Variants in POLA1 observed in about 807,000 individuals in gnomAD.
The protein encoded by POLA1 is DNA polymerase alpha 1, catalytic subunit, also known as DNA polymerase alpha catalytic subunit.
In POLA1, 15 loss-of-function variants were observed where a neutral mutation model predicts 124.0. The observed-to-expected ratio is 0.12, with a 90% CI of 0.08 to 0.19. The LOEUF (loss-of-function observed/expected upper bound fraction) is 0.19, where lower values mean the gene tolerates loss of function less well. Among genes scored for constraint, POLA1 ranks in the 10% least tolerant of loss-of-function variants. The pLI, the probability that POLA1 is intolerant of heterozygous loss-of-function variation, is 1.00. For synonymous variants in POLA1, 408 were observed against 389.4 expected, an observed-to-expected ratio of 1.05 and a Z score of -0.56; for missense variants, 886 against 1,103.4, an observed-to-expected ratio of 0.80 and a Z score of 2.79.
At chrX:24,708,368 A>G (rs942228622) in intron 4 of POLA1, among the ~76,000 whole-genome samples, 1 of 90,874 alleles carries the variant, frequency 1.1e-5, no homozygotes, top group Admixed American at 1.3e-4. Context: ...GGCTCATGAA[A>G]ATACTTTTTT....
chrX:24,809,993 C>A, intron 27 of POLA1, 63 bp downstream of exon 27: 2 of 708,537 alleles, frequency 2.8e-6, no homozygotes, highest in Admixed American at 2.9e-5. Flanking sequence ...TTTTTGTATT[C>A]AAGGAAAATT....
At chrX:24,705,972 A>G (rs1928778226) in intron 4 of POLA1, among the ~76,000 whole-genome samples, 1 of 112,123 alleles carries the variant, frequency 8.9e-6, no homozygotes, top group Non-Finnish European at 1.9e-5. Flanking sequence ...TTTGGTTAAG[A>G]TGATATTTGT....
At chrX:24,972,031 C>T (rs1019370682) in intron 36 of POLA1, among the ~76,000 whole-genome samples, 13 of 108,578 alleles carry the variant, frequency 1.2e-4, no homozygotes, top group Admixed American at 7.0e-4. Flanking sequence ...TGCAATGGCA[C>T]GTTCTTGGCT....
intron 31 of POLA1, among the ~76,000 whole-genome samples, 153 bp from the exon 32 acceptor site, chrX:24,826,274 A>G (rs181802461): frequency 1.8e-5 from 2 of 112,536 alleles, no homozygotes; most frequent in East Asian, 2.8e-4. Flanking sequence ...ATGTTCAACA[A>G]TAGGTCAAAA....
At chrX:24,980,638 C>T (rs1008475556) in intron 36 of POLA1, among the ~76,000 whole-genome samples, 4 of 109,402 alleles carry the variant, frequency 3.7e-5, no homozygotes, top group Non-Finnish European at 7.6e-5. Flanking sequence ...TAAAACATCA[C>T]TGTCATTCTG....
intron 15 of POLA1, among the ~76,000 whole-genome samples, chrX:24,730,588 C>G (rs1930844705): frequency 1.8e-5 from 2 of 111,981 alleles, no homozygotes; most frequent in African/African-American, 6.5e-5. Flanking sequence ...GGAGTAATGG[C>G]AGATTCAGGG....
chrX:24,710,865 C>T (rs1602260442), intron 4 of POLA1, among the ~76,000 whole-genome samples: 1 of 110,677 alleles, frequency 9.0e-6, no homozygotes, highest in East Asian at 2.8e-4. Flanking sequence ...CGGGTTTCAC[C>T]ATGTTGGTCA....
chrX:24,843,570 T>C lies in POLA1; in HGVS notation c.3940T>C (p.Tyr1314His). ...GGGAACAGATATGGAGCCCAGCTTGTATCGTTGCAGTAACATCGATTGTAA... is the reference window on the plus strand; with the variant it reads ...GGGAACAGATATGGAGCCCAGCTTGCATCGTTGCAGTAACATCGATTGTAA... Reference protein sequence around the residue: ...GSGTDMEPSLYRCSNIDCKAS... With the variant: ...GSGTDMEPSLHRCSNIDCKAS... The change falls in exon 34 of 37, where the codon TAT (tyrosine) becomes CAT (histidine). Residue 1314 changes from tyrosine (Y) to histidine (H), a missense_variant. By Grantham distance (83) the Tyr-to-His change is moderately conservative. Around this residue, in one of 7 missense-constraint regions of POLA1, gnomAD observed 313 missense variants for 359.7 expected, o/e 0.87. Coordinates refer to ENST00000379068, the MANE Select transcript of POLA1 (RefSeq NM_001330360.2). 6 of 1,194,600 alleles carry C rather than the reference T, an allele frequency of 5.0e-6. No homozygotes were observed. The highest frequency in any genetic ancestry group is 6.8e-6 in the Non-Finnish European group (6 of 883,710).
At chrX:24,945,623 G>T (rs1163137146) in intron 36 of POLA1, among the ~76,000 whole-genome samples, 1 of 111,838 alleles carries the variant, frequency 8.9e-6, no homozygotes, top group East Asian at 2.8e-4. Flanking sequence ...TTCTGATTGA[G>T]TAGGTCTGGG....
In POLA1 at chrX:24,912,258, A is replaced by G. The variant is rs190568169; in HGVS notation, c.4165-18195A>G. On this transcript the variant is annotated intron_variant, in intron 35 of 36. Transcript: ENST00000379068. ...GTAGGTGTAAATGTAAAACTATAAA[A>G]CTTTAAAGAAGTAATGCATAAGAGA... Among the ~76,000 whole-genome samples the G allele has an allele frequency of 2.2e-3, 251 of 112,409 alleles. 2 individuals carry two copies. Among genetic ancestry groups the G allele is most frequent in the African/African-American group, 7.9e-3 (245 of 30,990 alleles).
At chrX:24,792,100 A>G (rs2045511606) in intron 26 of POLA1, among the ~76,000 whole-genome samples, 1 of 112,413 alleles carries the variant, frequency 8.9e-6, no homozygotes, top group Middle Eastern at 4.2e-3. Context: ...TTTATTAGAA[A>G]TCAGGAGAAA....
chrX:24,958,362 G>A (rs892052504), intron 36 of POLA1, among the ~76,000 whole-genome samples: 3 of 111,785 alleles, frequency 2.7e-5, no homozygotes, highest in African/African-American at 9.8e-5. Flanking sequence ...CTCACAGCAG[G>A]GTCCTTAGTG....
intron 26 of POLA1, among the ~76,000 whole-genome samples, chrX:24,783,656 C>G (rs909651718): frequency 9.0e-6 from 1 of 111,346 alleles, no homozygotes; most frequent in African/African-American, 3.3e-5. Flanking sequence ...TTTTTTTAAG[C>G]TAATAAAAAT....
At chrX:24,905,725 G>A (rs2047357862) in intron 35 of POLA1, among the ~76,000 whole-genome samples, 2 of 110,537 alleles carry the variant, frequency 1.8e-5, no homozygotes, top group Non-Finnish European at 3.8e-5. Context: ...ACCACGCCCG[G>A]CTAATTTTTG....
Position 24,819,451 on chromosome X carries a change from T to C in POLA1, c.3430-2001T>C, listed in dbSNP as rs1456720126. 5.4e-5 allele frequency among the ~76,000 whole-genome samples: 6 copies of C among 110,334 alleles called. No homozygotes were observed. The Admixed American group carries it at 5.8e-4, about 11-fold the overall frequency. The stretch of plus-strand genomic sequence containing the variant: ...GATACCCAAGTCAGAATAACAGTAG[T>C]TTGCCCATTATTCTTTCAAGTAAAA... On this transcript the variant is annotated intron_variant, in intron 30 of 36. Coordinates refer to ENST00000379068, the MANE Select transcript of POLA1 (RefSeq NM_001330360.2).
At chrX:24,984,654 C>CTTTTT (rs72426448) in intron 36 of POLA1, among the ~76,000 whole-genome samples, 15 of 78,713 alleles carry the variant, frequency 1.9e-4, no homozygotes, top group African/African-American at 7.1e-4. Context: ...ACCTTTTGCA[C>CTTTTT]TTTTTTTTTT....
chrX:24,708,015 C>G (rs1025595826), intron 4 of POLA1, among the ~76,000 whole-genome samples: 2 of 111,823 alleles, frequency 1.8e-5, no homozygotes, highest in African/African-American at 6.5e-5. Context: ...AAAATATCAA[C>G]CAAGTCCCAG....
chrX:24,945,446 T>C (rs1485457637), intron 36 of POLA1, among the ~76,000 whole-genome samples: 2 of 112,633 alleles, frequency 1.8e-5, no homozygotes, highest in East Asian at 2.8e-4. Context: ...GAAAAAAGCA[T>C]GGTCCCTGTT....
chrX:24,862,065 G>C (rs1368478613), intron 34 of POLA1, among the ~76,000 whole-genome samples: 1 of 111,522 alleles, frequency 9.0e-6, no homozygotes, highest in African/African-American at 3.3e-5. Context: ...CAGCAAAATT[G>C]TTGTATCTTC....
Sources: allele counts gnomAD v4.1 joint callset (sites outside exome capture counted in the v4.1 genomes callset), GRCh38; gene constraint gnomAD v4.1.1; regional missense constraint gnomAD v4.1.1; transcripts MANE v1.5; gene names NCBI Gene and HGNC (gene_info 2026-07-23, HGNC 2026-07-21).